Variants in SDK1 observed in about 807,000 individuals in gnomAD.
SDK1 encodes sidekick cell adhesion molecule 1.
In SDK1, 157 loss-of-function variants were observed where a neutral mutation model predicts 245.5. The observed-to-expected ratio is 0.64, with a 90% confidence interval of 0.56 to 0.73. The LOEUF is 0.73. Ranked by LOEUF, SDK1 falls within the 30% of genes least tolerant of loss-of-function variation. The pLI is 0.00. For synonymous variants in SDK1, 1,647 were observed against 1,278.5 expected (o/e 1.29, Z -6.15); for missense variants, 3,583 against 3,002.3 (o/e 1.19, Z -4.52).
intron 4 of SDK1, among the ~76,000 whole-genome samples, chr7:3,665,723 C>G (rs882553): frequency 1.3e-5 from 2 of 152,078 alleles, no homozygotes; most frequent in East Asian, 3.9e-4. Flanking sequence ...CTTTCTCTCA[C>G]GTGGATCCTG....
chr7:4,159,191 A>G (rs1184694328), intron 31 of SDK1, among the ~76,000 whole-genome samples: 1 of 152,202 alleles, frequency 6.6e-6, no homozygotes, highest in African/African-American at 2.4e-5. Flanking sequence ...CCCGCAACCT[A>G]TCCCCAAAGC....
chr7:3,437,016 G>T (rs1422231111), intron 1 of SDK1, among the ~76,000 whole-genome samples: 1 of 152,172 alleles, frequency 6.6e-6, no homozygotes, highest in Non-Finnish European at 1.5e-5. Flanking sequence ...GTAAGGGGCA[G>T]CGGCTGCTCC....
Position 4,245,324 on chromosome 7 carries a change from C to T in SDK1, c.6252-352C>T, listed in dbSNP as rs373643272. Among the ~76,000 whole-genome samples, 3 of 152,304 alleles carry T rather than the reference C, an allele frequency of 2.0e-5. No homozygotes were observed. In the East Asian group the frequency reaches 5.8e-4, roughly 29 times the overall value. On this transcript the variant is annotated intron_variant, in intron 43 of 44. Coordinates refer to ENST00000404826, the MANE Select transcript of SDK1 (RefSeq NM_152744.4). ...CATCCTCATCTCTCTCCACTGCACTCCCCTGCCTGCATCTGGCAAGCACCT... is the reference window on the plus strand; with the variant it reads ...CATCCTCATCTCTCTCCACTGCACTTCCCTGCCTGCATCTGGCAAGCACCT...
Position 4,233,306 on chromosome 7 carries a change from C to G in SDK1, c.5879C>G (p.Ser1960Cys), listed in dbSNP as rs747129515. 6 of 1,613,866 alleles carry G rather than the reference C, an allele frequency of 3.7e-6. No individual in the cohort carries two copies. The highest frequency in any genetic ancestry group is 5.1e-6 in the Non-Finnish European group (6 of 1,180,038). The change falls in exon 41 of 45, where the codon TCC (serine) becomes TGC (cysteine). Residue 1960 changes from serine to cysteine, a missense_variant. Coordinates refer to ENST00000404826, the MANE Select transcript of SDK1 (RefSeq NM_152744.4). The part of the protein sequence containing the change: ...FVKDIPRSAT[S>C]YTLSLDKLRQ... ...AAGGACATCCCGCGGAGCGCCACATCCTACACCCTCAGCCTGGATAAGCTC... is the reference window on the plus strand; with the variant it reads ...AAGGACATCCCGCGGAGCGCCACATGCTACACCCTCAGCCTGGATAAGCTC...
intron 5 of SDK1, among the ~76,000 whole-genome samples, chr7:3,888,766 G>T (rs1007582481): frequency 1.3e-5 from 2 of 152,182 alleles, no homozygotes; most frequent in Non-Finnish European, 2.9e-5. Context: ...CAGACATATT[G>T]TGAGAAGCCA....
At chr7:3,594,110 G>T (rs892548001) in intron 1 of SDK1, among the ~76,000 whole-genome samples, 2 of 152,084 alleles carry the variant, frequency 1.3e-5, no homozygotes, top group Non-Finnish European at 2.9e-5. Flanking sequence ...ATCTCCTCCT[G>T]CCTCTCTGCC....
intron 1 of SDK1, among the ~76,000 whole-genome samples, chr7:3,467,368 A>T (rs957551746): frequency 1.3e-5 from 2 of 152,084 alleles, no homozygotes; most frequent in Admixed American, 6.6e-5. Flanking sequence ...ATGAACATTA[A>T]AGAATTGTTG....
At chr7:3,627,829 T>C (rs1418035617) in intron 2 of SDK1, among the ~76,000 whole-genome samples, 1 of 152,144 alleles carries the variant, frequency 6.6e-6, no homozygotes, top group South Asian at 2.1e-4. Context: ...TCTAGTGATA[T>C]AAAAAATCCA....
At chr7:3,325,166 T>A (rs1287487130) in intron 1 of SDK1, among the ~76,000 whole-genome samples, 2 of 152,132 alleles carry the variant, frequency 1.3e-5, no homozygotes, top group Admixed American at 1.3e-4. Flanking sequence ...AAACACAGAT[T>A]CTGATGTGGA....
At chr7:3,416,463 CTTTTT>C (rs5881982) in intron 1 of SDK1, among the ~76,000 whole-genome samples, 3 of 132,376 alleles carry the variant, frequency 2.3e-5, no homozygotes, top group Non-Finnish European at 1.6e-5. Context: ...GGCTTTCGTT[CTTTTT>C]TTTTTTTTTT....
chr7:3,788,465 A>C (rs1044181069), intron 4 of SDK1, among the ~76,000 whole-genome samples: 2 of 152,126 alleles, frequency 1.3e-5, no homozygotes, highest in African/African-American at 4.8e-5. Context: ...CCCAGTCTGC[A>C]TTTGAAGTGG....
chr7:4,022,763 T>C (rs2128154714), intron 17 of SDK1, among the ~76,000 whole-genome samples: 1 of 146,982 alleles, frequency 6.8e-6, no homozygotes, highest in Admixed American at 6.7e-5. Context: ...GTTTTTCTTT[T>C]CTTTCTTTCT....
chr7:3,561,216 C>G (rs894238483), intron 1 of SDK1, among the ~76,000 whole-genome samples: 2 of 152,156 alleles, frequency 1.3e-5, no homozygotes, highest in Non-Finnish European at 1.5e-5. Flanking sequence ...AGAATCCTTC[C>G]TTTTTACTCT....
chr7:3,364,015 C>A (rs1373167277), intron 1 of SDK1, among the ~76,000 whole-genome samples: 1 of 152,040 alleles, frequency 6.6e-6, no homozygotes, highest in Non-Finnish European at 1.5e-5. Context: ...GTGGTGATAC[C>A]TTATTTTGGT....
intron 1 of SDK1, among the ~76,000 whole-genome samples, chr7:3,472,907 A>G (rs182540324): frequency 1.2e-3 from 188 of 152,286 alleles, no homozygotes; most frequent in Admixed American, 1.8e-3. Context: ...CGCAGGAGGT[A>G]AAGCTAGTAA....
rs551709995 is a variant in SDK1, at chr7:3,571,873, A to G, written c.299-47207A>G. ...ATCTGCTATCTGTATTTTAAAAGCTAATCGGTATATTTCTACCTAGCCCTT... is the reference window on the plus strand; with the variant it reads ...ATCTGCTATCTGTATTTTAAAAGCTGATCGGTATATTTCTACCTAGCCCTT... On this transcript the variant is annotated intron_variant, in intron 1 of 44. Coordinates refer to ENST00000404826, the MANE Select transcript of SDK1 (RefSeq NM_152744.4). Among the ~76,000 whole-genome samples, 393 of 152,154 alleles carry G rather than the reference A, an allele frequency of 2.6e-3. 4 individuals carry two copies. Among genetic ancestry groups the G allele is most frequent in the African/African-American group, 9.2e-3 (383 of 41,548 alleles).
intron 1 of SDK1, among the ~76,000 whole-genome samples, chr7:3,551,211 G>C (rs1014889935): frequency 2.6e-5 from 4 of 152,152 alleles, no homozygotes; most frequent in African/African-American, 9.7e-5. Context: ...TCACACATCT[G>C]TGTTTGTAAT....
At chr7:3,656,473 T>C (rs915685414) in intron 4 of SDK1, among the ~76,000 whole-genome samples, 2 of 152,168 alleles carry the variant, frequency 1.3e-5, no homozygotes, top group African/African-American at 4.8e-5. Context: ...CAAAATTCCC[T>C]CAAAAGCAAA....
chr7:3,923,880 T>C (rs1779678783), intron 5 of SDK1, among the ~76,000 whole-genome samples: 1 of 152,102 alleles, frequency 6.6e-6, no homozygotes, highest in Non-Finnish European at 1.5e-5. Flanking sequence ...GGACTTGTCT[T>C]TTGCGGGTGG....
Sources: allele counts gnomAD v4.1 joint callset (sites outside exome capture counted in the v4.1 genomes callset), GRCh38; gene constraint gnomAD v4.1.1; transcripts MANE v1.5; gene names NCBI Gene and HGNC (gene_info 2026-07-23, HGNC 2026-07-21).